Variants in RLN2 observed in about 807,000 individuals in gnomAD.
RLN2 encodes the protein relaxin 2, also known as prorelaxin H2.
A neutral mutation model predicts 7.3 loss-of-function variants in RLN2; 10 were observed. The ratio of observed to expected loss-of-function variants is 1.36; its 90% CI spans 0.84 to 2.31. The LOEUF is 2.31. Ranked by LOEUF, RLN2 falls within the 30% of genes most tolerant of loss-of-function variation. The pLI, the probability that RLN2 is intolerant of heterozygous loss-of-function variation, is 0.00. For missense variants in RLN2, 298 were observed against 217.6 expected (o/e 1.37, Z -2.32); for synonymous variants, 103 against 82.3 (o/e 1.25, Z -1.36).
At chr9:5,315,973 A>G in the RLN2 span, among the ~76,000 whole-genome samples, 1 of 152,082 alleles carries the variant, frequency 6.6e-6, no homozygotes, top group African/African-American at 2.4e-5. Flanking sequence ...TGGAAATAAA[A>G]GGACACTAGT....
At chr9:5,325,017 C>T in the RLN2 span, among the ~76,000 whole-genome samples, 3 of 151,930 alleles carry the variant, frequency 2.0e-5, 1 homozygote, top group African/African-American at 4.8e-5. Flanking sequence ...GGAAACTTTA[C>T]CCTCAAAAAC....
chr9:5,310,444 C>G, the RLN2 span, among the ~76,000 whole-genome samples: 1 of 151,954 alleles, frequency 6.6e-6, no homozygotes, highest in African/African-American at 2.4e-5. Flanking sequence ...TACTTATTTC[C>G]TAGGAAAAAA....
chr9:5,306,647 G>C (rs1238741187), upstream of RLN2, among the ~76,000 whole-genome samples: 1 of 152,042 alleles, frequency 6.6e-6, no homozygotes, highest in Non-Finnish European at 1.5e-5. Context: ...TTTTTAAGGA[G>C]AAACAATAAA....
the RLN2 span, among the ~76,000 whole-genome samples, chr9:5,327,730 T>A: frequency 1.3e-5 from 2 of 152,008 alleles, no homozygotes; most frequent in Admixed American, 1.3e-4. Context: ...CAGTAATATT[T>A]GCTGTTCTGT....
upstream of RLN2, among the ~76,000 whole-genome samples, chr9:5,308,011 C>T (rs1026888020): frequency 2.6e-5 from 4 of 151,874 alleles, no homozygotes; most frequent in Non-Finnish European, 5.9e-5. Context: ...CAATGACAGT[C>T]GGTGCTACAT....
the RLN2 span, among the ~76,000 whole-genome samples, chr9:5,311,230 AT>A: frequency 3.1e-4 from 47 of 151,980 alleles, 1 homozygote; most frequent in Non-Finnish European, 8.8e-5. Flanking sequence ...AAACCAAGAT[AT>A]TTTGAAGAAT....
chr9:5,304,726 GGCTATCACTCA>G, upstream of RLN2: 1 of 763,594 alleles, frequency 1.3e-6, no homozygotes, highest in East Asian at 2.6e-5. Flanking sequence ...GTATCCCTTG[GGCTATCACTCA>G]GCTTTTAAGG....
the RLN2 span, among the ~76,000 whole-genome samples, chr9:5,333,789 A>T: frequency 6.6e-6 from 1 of 151,982 alleles, no homozygotes. Flanking sequence ...TGGCAAGCAA[A>T]ATCCAGCAGC....
chr9:5,321,165 G>T, the RLN2 span, among the ~76,000 whole-genome samples: 4 of 152,198 alleles, frequency 2.6e-5, no homozygotes, highest in South Asian at 8.3e-4. Context: ...AAATTTTGAT[G>T]CTGGAAGCAA....
At chr9:5,312,393 G>C in the RLN2 span, among the ~76,000 whole-genome samples, 1 of 152,072 alleles carries the variant, frequency 6.6e-6, no homozygotes, top group Non-Finnish European at 1.5e-5. Context: ...TGTCAAAAGA[G>C]AAGTGGTTCC....
At chr9:5,335,056 C>T in the RLN2 span, 6 of 471,124 alleles carry the variant, frequency 1.3e-5, no homozygotes, top group African/African-American at 6.0e-5. Flanking sequence ...GACAAAAAGA[C>T]TTCAGCATAG....
chr9:5,305,157 T>C (rs1048041967), upstream of RLN2, among the ~76,000 whole-genome samples: 2 of 151,972 alleles, frequency 1.3e-5, no homozygotes, highest in African/African-American at 4.8e-5. Context: ...GGAAAACTGA[T>C]GACTTTTAAT....
chr9:5,316,408 A>G, the RLN2 span, among the ~76,000 whole-genome samples: 1 of 151,412 alleles, frequency 6.6e-6, no homozygotes, highest in African/African-American at 2.4e-5. Context: ...CGATATCTAC[A>G]TTAGGTATTT....
At chr9:5,311,667 C>T in the RLN2 span, 1 of 1,330,686 alleles carries the variant, frequency 7.5e-7, no homozygotes, top group East Asian at 2.3e-5. Flanking sequence ...AATGGAGACG[C>T]CAAAACAGAC....
upstream of RLN2, chr9:5,305,059 A>T (rs113019687): frequency 6.2e-6 from 1 of 160,174 alleles, no homozygotes; most frequent in South Asian, 1.7e-4. Context: ...ATTATCTTGT[A>T]AATTGGGTTA....
the RLN2 span, among the ~76,000 whole-genome samples, chr9:5,315,596 T>C: frequency 2.0e-5 from 3 of 152,026 alleles, no homozygotes; most frequent in East Asian, 3.9e-4. Flanking sequence ...TTCAAGAAGC[T>C]CCAAAGTTCC....
chr9:5,335,004 C>A, the RLN2 span: 2 of 359,608 alleles, frequency 5.6e-6, no homozygotes, highest in African/African-American at 2.1e-5. Flanking sequence ...TTTAAGTTAA[C>A]AGCATTAAAA....
the RLN2 span, among the ~76,000 whole-genome samples, chr9:5,316,214 T>C: frequency 2.6e-5 from 4 of 152,164 alleles, no homozygotes; most frequent in African/African-American, 7.2e-5. Flanking sequence ...ATACTTATCA[T>C]TGACATATAT....
upstream of RLN2, chr9:5,304,825 T>C (rs72703635): frequency 0.018 from 9,736 of 546,222 alleles, 224 homozygotes; most frequent in African/African-American, 0.066. Flanking sequence ...CCTCTCTGCC[T>C]TTCCTTCATT....
Sources: allele counts gnomAD v4.1 joint callset (sites outside exome capture counted in the v4.1 genomes callset), GRCh38; gene constraint gnomAD v4.1.1; transcripts MANE v1.5; gene names NCBI Gene and HGNC (gene_info 2026-07-23, HGNC 2026-07-21).